ZNF385D: variants seen among roughly 807,000 people sequenced by gnomAD.
ZNF385D encodes zinc finger protein 385D.
Under a neutral mutation model 35.8 loss-of-function variants are expected in ZNF385D, and 15 were observed. The ratio of observed to expected loss-of-function variants is 0.42; its 90% CI spans 0.28 to 0.64. The LOEUF (loss-of-function observed/expected upper bound fraction) is 0.64, where lower values mean the gene tolerates loss of function less well. Ranked by LOEUF, ZNF385D falls within the 30% of genes least tolerant of loss-of-function variation. ZNF385D has a pLI of 0.23. For synonymous variants in ZNF385D, 212 were observed against 186.8 expected (o/e 1.13, Z -1.10); for missense variants, 474 against 494.6 (o/e 0.96, Z 0.39).
chr3:21,708,579 T>A (rs1427265221), intron 1 of ZNF385D, among the ~76,000 whole-genome samples: 1 of 152,210 alleles, frequency 6.6e-6, no homozygotes, highest in South Asian at 2.1e-4. Context: ...TTGAAATTAC[T>A]CTATTACATT....
At chr3:22,048,493 G>A (rs921054218) in intron 3 of ZNF385D, among the ~76,000 whole-genome samples, 18 of 152,122 alleles carry the variant, frequency 1.2e-4, no homozygotes, top group African/African-American at 4.3e-4. Context: ...CCGATTTGTT[G>A]AAGGGACTGT....
At chr3:21,830,568 T>A (rs1394815193) in intron 3 of ZNF385D, among the ~76,000 whole-genome samples, 1 of 152,252 alleles carries the variant, frequency 6.6e-6, no homozygotes, top group Non-Finnish European at 1.5e-5. Context: ...TAGCAATTCT[T>A]ACTTGGTATT....
At chr3:22,026,751 T>G (rs902612038) in intron 3 of ZNF385D, among the ~76,000 whole-genome samples, 1 of 152,130 alleles carries the variant, frequency 6.6e-6, no homozygotes, top group African/African-American at 2.4e-5. Flanking sequence ...AGAAAAATAG[T>G]AAATCAAAAA....
chr3:22,292,722 G>A (rs1437677818), intron 2 of ZNF385D, among the ~76,000 whole-genome samples: 3 of 152,042 alleles, frequency 2.0e-5, no homozygotes, highest in Admixed American at 2.0e-4. Context: ...TTCTGTATTT[G>A]ATAGTTAGAA....
chr3:21,817,104 AT>A (rs2073184182), intron 3 of ZNF385D, among the ~76,000 whole-genome samples: 1 of 152,182 alleles, frequency 6.6e-6, no homozygotes, highest in African/African-American at 2.4e-5. Context: ...TATTTAATAA[AT>A]GGTGCTGGGA....
intron 3 of ZNF385D, among the ~76,000 whole-genome samples, chr3:21,537,259 A>G (rs1192403160): frequency 1.3e-5 from 2 of 150,998 alleles, no homozygotes; most frequent in African/African-American, 4.9e-5. Context: ...CAGCCTCCCA[A>G]GTAGCTGGGA....
intron 1 of ZNF385D, among the ~76,000 whole-genome samples, chr3:21,723,671 T>G (rs193133525): frequency 1.3e-5 from 2 of 152,274 alleles, no homozygotes; most frequent in East Asian, 3.9e-4. Flanking sequence ...AATCTACATT[T>G]GATTGATGTG....
intron 3 of ZNF385D, among the ~76,000 whole-genome samples, chr3:21,792,480 C>A (rs942131310): frequency 6.6e-6 from 1 of 152,180 alleles, no homozygotes; most frequent in Non-Finnish European, 1.5e-5. Flanking sequence ...TACAATGGCA[C>A]AGTTGAGTAT....
intron 4 of ZNF385D, among the ~76,000 whole-genome samples, chr3:21,463,818 C>T (rs971181614): frequency 2.0e-5 from 3 of 152,042 alleles, no homozygotes; most frequent in Admixed American, 6.6e-5. Flanking sequence ...TGAATGTTTA[C>T]AGTTCTAGAG....
rs77863817 is a variant in ZNF385D, at chr3:21,703,492, G to C, written c.23-38464C>G. On this transcript the variant is annotated intron_variant, in intron 1 of 7. Transcript: ENST00000281523. ...TGCCCAGGATATTGTGCAATCCCTT[G>C]GTTGCCTCAAACCCTTCCCAATCAT... is the stretch of plus-strand genomic sequence containing the variant. Among the ~76,000 whole-genome samples, 984 of 152,064 alleles carry C rather than the reference G, an allele frequency of 6.5e-3. 9 individuals are homozygous for C. The highest frequency in any genetic ancestry group is 0.022 in the African/African-American group (931 of 41,472).
intron 3 of ZNF385D, among the ~76,000 whole-genome samples, chr3:21,893,616 A>G (rs1698991714): frequency 6.6e-6 from 1 of 152,170 alleles, no homozygotes; most frequent in South Asian, 2.1e-4. Context: ...CAAATCAGTT[A>G]TCGTTAGAAG....
At chr3:21,932,850 T>C (rs1482660855) in intron 3 of ZNF385D, among the ~76,000 whole-genome samples, 2 of 152,202 alleles carry the variant, frequency 1.3e-5, no homozygotes, top group Non-Finnish European at 1.5e-5. Flanking sequence ...GCTATTTTCA[T>C]GGTTAGAATT....
intron 3 of ZNF385D, among the ~76,000 whole-genome samples, chr3:22,062,357 G>A (rs901008036): frequency 7.9e-5 from 12 of 152,090 alleles, no homozygotes; most frequent in Non-Finnish European, 1.5e-4. Context: ...CGCCCAGCCT[G>A]TTGGTACATT....
intron 3 of ZNF385D, among the ~76,000 whole-genome samples, chr3:21,946,201 T>C (rs575053412): frequency 1.6e-4 from 24 of 152,118 alleles, no homozygotes; most frequent in Admixed American, 5.9e-4. Flanking sequence ...AGAGAACTTT[T>C]CTCTTTTAAC....
At chr3:21,453,832 A>C (rs1702615979) in intron 4 of ZNF385D, among the ~76,000 whole-genome samples, 1 of 152,100 alleles carries the variant, frequency 6.6e-6, no homozygotes, top group African/African-American at 2.4e-5. Flanking sequence ...CAAAGTTACT[A>C]TATGACCCAG....
intron 1 of ZNF385D, among the ~76,000 whole-genome samples, chr3:21,720,489 G>A (rs190550193): frequency 1.0e-3 from 154 of 152,262 alleles, no homozygotes; most frequent in Middle Eastern, 3.4e-3. Flanking sequence ...AGGAGTTCAG[G>A]GCTTCAGTGA....
Position 21,684,507 on chromosome 3 carries a change from C to T in ZNF385D, c.23-19479G>A, listed in dbSNP as rs533211914. On this transcript the variant is annotated intron_variant, in intron 1 of 7. Transcript: ENST00000281523. Reference sequence around the variant, plus strand: ...GACCCAACCCAGACCATTTCAATAACGGAACCCTTTAAAAAATCTTTAATA... The same window carrying T: ...GACCCAACCCAGACCATTTCAATAATGGAACCCTTTAAAAAATCTTTAATA... Among the ~76,000 whole-genome samples the T allele has an allele frequency of 5.9e-4, 89 of 150,522 alleles. 1 individual carries two copies. Among genetic ancestry groups the T allele is most frequent in the Admixed American group, 3.6e-3 (54 of 14,994 alleles).
At chr3:22,069,258 T>C (rs1019178821) in intron 3 of ZNF385D, among the ~76,000 whole-genome samples, 2 of 152,124 alleles carry the variant, frequency 1.3e-5, no homozygotes, top group African/African-American at 4.8e-5. Context: ...TGATGGATAA[T>C]CTCTTGGAAC....
chr3:21,709,569 C>T (rs1157049294), intron 1 of ZNF385D, among the ~76,000 whole-genome samples: 1 of 152,132 alleles, frequency 6.6e-6, no homozygotes, highest in Admixed American at 6.6e-5. Context: ...TTTCCCAAGT[C>T]TTTTCAATAG....
Sources: gnomAD v4.1 joint callset for allele counts (sites outside exome capture counted in the v4.1 genomes callset) on GRCh38, gnomAD v4.1.1 for gene constraint, MANE v1.5 for transcripts, NCBI Gene and HGNC (gene_info 2026-07-23, HGNC 2026-07-21) for gene names.